The following SPARCL1 variants were observed in gnomAD, a reference collection of about 807,000 sequenced individuals.
The protein encoded by SPARCL1 is SPARC-like protein 1.
A neutral mutation model predicts 67.1 loss-of-function variants in SPARCL1; 52 were observed. The observed-to-expected ratio is 0.78, with a 90% CI of 0.62 to 0.98. SPARCL1 has a LOEUF of 0.98. SPARCL1 is among the 50% of genes least tolerant of loss of function. The probability of loss-of-function intolerance (pLI) is 0.00; values close to 1 mark genes in which losing one functional copy is unlikely to be tolerated. For synonymous variants in SPARCL1, 226 were observed against 267.8 expected, an observed-to-expected ratio of 0.84 and a Z score of 1.52; for missense variants, 717 against 782.4, an observed-to-expected ratio of 0.92 and a Z score of 1.00.
At chr4:87,492,136 GA>G (rs1189483860) in intron 4 of SPARCL1, among the ~76,000 whole-genome samples, 1 of 151,304 alleles carries the variant, frequency 6.6e-6, no homozygotes, top group African/African-American at 2.4e-5. Flanking sequence ...AAACAAAACA[GA>G]AAAAAAAGAA....
rs553866908 is a variant in SPARCL1 at position 87,514,055 on chromosome 4, G to A, written c.-11-14470C>T. 1.6e-3 allele frequency among the ~76,000 whole-genome samples: 244 copies of A among 152,106 alleles called. 1 individual carries two copies. The highest frequency in any genetic ancestry group is 5.2e-3 in the African/African-American group (217 of 41,482). The stretch of plus-strand genomic sequence containing the variant: ...CTGAAAACACAAAAACTAGCTGGGC[G>A]TGGTGGCATGAGCCTGTAATCCCAG... On this transcript the variant is annotated intron_variant, in intron 1 of 10. Coordinates refer to ENST00000282470, the MANE Select transcript of SPARCL1 (RefSeq NM_004684.6).
At chr4:87,508,501 C>T (rs1041699507) in intron 1 of SPARCL1, among the ~76,000 whole-genome samples, 1 of 152,000 alleles carries the variant, frequency 6.6e-6, no homozygotes. Context: ...TGCTGGGCCT[C>T]TTCTTGGCCT....
At chr4:87,506,766 ATCTCTATCTATCTATCATCTATCTATC>A (rs1237539485) in intron 1 of SPARCL1, among the ~76,000 whole-genome samples, 35 of 116,932 alleles carry the variant, frequency 3.0e-4, no homozygotes, top group Admixed American at 8.5e-4. Flanking sequence ...CATTATCTAT[ATCTCTATCTATCTATCATCTATCTATC>A]TATCTATCTA....
Position 87,473,729 on chromosome 4 carries a change from A to G in SPARCL1, c.*46T>C, listed in dbSNP as rs748851403. 1 of 1,469,956 alleles carries G rather than the reference A, an allele frequency of 6.8e-7. No homozygotes were observed. The highest frequency in any genetic ancestry group is 2.3e-5 in the East Asian group (1 of 43,758). 91.1% of individuals were successfully genotyped at this position (1,469,956 alleles called of 1,614,324 possible). A position where few individuals can be genotyped will look rare whatever the true frequency, so the allele number is the denominator to read the frequency against. ...AGCTGCATATATTTCTGAAGTGGTTAGAACAGAGGAGGATGCTGGAAAGTT... is the reference window on the plus strand; with the variant it reads ...AGCTGCATATATTTCTGAAGTGGTTGGAACAGAGGAGGATGCTGGAAAGTT... On this transcript the variant is annotated 3_prime_UTR_variant, in exon 11 of 11. Transcript: ENST00000282470.
chr4:87,474,743 C>CTTTTTTTT (rs11397474), intron 10 of SPARCL1, among the ~76,000 whole-genome samples: 2,138 of 130,536 alleles, frequency 0.016, 138 homozygotes, highest in African/African-American at 0.054. Context: ...CTCTCTCTCT[C>CTTTTTTTT]TTTTTTTTTT....
chr4:87,482,210 A>G (rs2110214524), intron 8 of SPARCL1, among the ~76,000 whole-genome samples: 1 of 152,262 alleles, frequency 6.6e-6, no homozygotes, highest in Admixed American at 6.5e-5. Flanking sequence ...CAGGCCACTG[A>G]CCATTGGGAA....
rs759811896 is a variant in SPARCL1, at chr4:87,508,779, CAT to C, written c.-11-9196_-11-9195del. On this transcript the variant is annotated intron_variant, in intron 1 of 10. Coordinates refer to ENST00000282470, the MANE Select transcript of SPARCL1 (RefSeq NM_004684.6). ...TATGAGACAGGAACCGTGGATGAAA[CAT>C]ATGTGTGTGTGTGTGTGTGTGTGTG... is the stretch of plus-strand genomic sequence containing the variant. Among the ~76,000 whole-genome samples, 249 of 112,876 alleles carry C rather than the reference CAT, an allele frequency of 2.2e-3. 2 individuals carry two copies. Among genetic ancestry groups the C allele is most frequent in the Non-Finnish European group, 3.5e-3 (206 of 58,542 alleles). The allele number at this position is 112,876 out of a possible 152,430, so 74.1% of individuals were successfully genotyped here.
intron 1 of SPARCL1, among the ~76,000 whole-genome samples, chr4:87,514,484 T>C (rs954739143): frequency 6.6e-6 from 1 of 152,150 alleles, no homozygotes; most frequent in African/African-American, 2.4e-5. Flanking sequence ...AAAACAAAAT[T>C]TAAACGCAGA....
chr4:87,494,587 T>C lies in SPARCL1; in HGVS notation c.213A>G (p.Ser71=). 6.3e-7 allele frequency: 1 copy of C among 1,577,162 alleles called. No homozygotes were observed. Among genetic ancestry groups the C allele is most frequent in the Non-Finnish European group, 8.6e-7 (1 of 1,165,842 alleles). ...TTTCCTCTTTTGACTTTAGTACTGATGATTTTTCAGCCTTAAAAGAAAAAA... is the reference window on the plus strand; with the variant it reads ...TTTCCTCTTTTGACTTTAGTACTGACGATTTTTCAGCCTTAAAAGAAAAAA... ...EDDSHHKAEK[S]SVLKSKEESH... is the part of the protein sequence containing the mutation. Residue 71 remains serine, a synonymous_variant, in exon 4 of 11, where the codon TCA becomes TCG. Coordinates refer to ENST00000282470, the MANE Select transcript of SPARCL1 (RefSeq NM_004684.6).
chr4:87,473,896 C>T, intron 10 of SPARCL1, 93 bp from the exon 11 acceptor site: 2 of 826,876 alleles, frequency 2.4e-6, no homozygotes, highest in East Asian at 5.0e-5. Flanking sequence ...GAGAAACCAT[C>T]TAATAAGGCA....
chr4:87,493,541 T>C (rs1724441428), intron 4 of SPARCL1, 41 bp downstream of exon 4: 1 of 1,542,124 alleles, frequency 6.5e-7, no homozygotes, highest in Admixed American at 1.9e-5. Context: ...TTATTGATAA[T>C]GCTGGCTTTA....
intron 4 of SPARCL1, among the ~76,000 whole-genome samples, chr4:87,492,047 G>A (rs1271610798): frequency 6.6e-6 from 1 of 151,716 alleles, no homozygotes; most frequent in Non-Finnish European, 1.5e-5. Flanking sequence ...GAGCCCAGGA[G>A]GTTGAGGTTG....
intron 8 of SPARCL1, 111 bp downstream of exon 8, chr4:87,482,313 A>G (rs1362953743): frequency 6.2e-6 from 7 of 1,123,440 alleles, no homozygotes; most frequent in Non-Finnish European, 8.9e-6. Context: ...GGGCATGGGG[A>G]AGCATAGTGG....
chr4:87,499,841 C>T (rs1455435208), intron 1 of SPARCL1, among the ~76,000 whole-genome samples: 1 of 151,762 alleles, frequency 6.6e-6, no homozygotes, highest in Non-Finnish European at 1.5e-5. Context: ...AGTACTTCTT[C>T]GAGTAAAGAC....
intron 1 of SPARCL1, among the ~76,000 whole-genome samples, chr4:87,520,417 T>C (rs1725763528): frequency 6.6e-6 from 1 of 152,186 alleles, no homozygotes; most frequent in Non-Finnish European, 1.5e-5. Flanking sequence ...CAAAATTTGC[T>C]TTGCCTGACT....
intron 1 of SPARCL1, among the ~76,000 whole-genome samples, chr4:87,501,009 TA>T (rs1724821871): frequency 6.6e-6 from 1 of 152,210 alleles, no homozygotes; most frequent in Admixed American, 6.5e-5. Flanking sequence ...GCCTTCCTTT[TA>T]AAGCTTTTTA....
At chr4:87,479,634 A>G in intron 9 of SPARCL1, 56 bp from the exon 10 acceptor site, 1 of 1,557,180 alleles carries the variant, frequency 6.4e-7, no homozygotes, top group Non-Finnish European at 8.8e-7. Context: ...TGAAGATTTA[A>G]CTCTCAGGCT....
At chr4:87,511,967 CTTT>C (rs3037337) in intron 1 of SPARCL1, among the ~76,000 whole-genome samples, 1 of 121,542 alleles carries the variant, frequency 8.2e-6, no homozygotes, top group Non-Finnish European at 1.6e-5. Flanking sequence ...CTTTCTTTCT[CTTT>C]TTTTTTTTTT....
At chr4:87,478,913 T>C (rs1174620285) in intron 10 of SPARCL1, among the ~76,000 whole-genome samples, 1 of 152,164 alleles carries the variant, frequency 6.6e-6, no homozygotes, top group Non-Finnish European at 1.5e-5. Flanking sequence ...CTCCCATTCA[T>C]TGAGGGTGAA....
Sources: gnomAD v4.1 joint callset for allele counts (sites outside exome capture counted in the v4.1 genomes callset) on GRCh38, gnomAD v4.1.1 for gene constraint, MANE v1.5 for transcripts, NCBI Gene and HGNC (gene_info 2026-07-23, HGNC 2026-07-21) for gene names.